Variants in TRANK1 observed in about 807,000 individuals in gnomAD.
TRANK1 encodes the protein tetratricopeptide repeat and ankyrin repeat containing 1.
A neutral mutation model predicts 266.0 loss-of-function variants in TRANK1; 198 were observed. That is an observed-to-expected ratio of 0.74 (90% CI 0.66 to 0.84). TRANK1 has a LOEUF of 0.84. Ranked by LOEUF, TRANK1 falls within the 40% of genes least tolerant of loss-of-function variation. TRANK1 has a pLI of 0.00. For synonymous variants in TRANK1, 1,396 were observed against 1,384.1 expected, an observed-to-expected ratio of 1.01 and a Z score of -0.19; for missense variants, 3,326 against 3,634.6, an observed-to-expected ratio of 0.92 and a Z score of 2.18.
In TRANK1 at chr3:36,857,216, T is replaced by A. The variant is rs1271125486; in HGVS notation, c.2506A>T (p.Ile836Phe). 4.3e-6 allele frequency: 7 copies of A among 1,613,896 alleles called. No individual in the cohort carries two copies. Among genetic ancestry groups the A allele is most frequent in the Non-Finnish European group, 5.9e-6 (7 of 1,179,844 alleles). Residue 836 changes from isoleucine (I) to phenylalanine (F), a missense_variant, in exon 13 of 24, where the codon ATC (isoleucine) becomes TTC (phenylalanine). Transcript: ENST00000645898. This position sits in a 1 kb window ranked among gnomAD's most constrained non-coding sequence, Gnocchi z 4.3. Reference protein sequence around the residue: ...LQDFDNMTWEIECTSEMLKKL... With the variant: ...LQDFDNMTWEFECTSEMLKKL... ...TTCAGCATTTCTGAAGTGCACTCGA[T>A]CTCCCAGGTCATGTTATCGAAGTCC... is the stretch of plus-strand genomic sequence containing the variant.
intron 1 of TRANK1, among the ~76,000 whole-genome samples, chr3:36,912,785 G>T (rs1382602361): frequency 6.6e-6 from 1 of 152,188 alleles, no homozygotes. Flanking sequence ...CTATGGAGGG[G>T]TTATTACTGA....
rs1315230690 is a variant in TRANK1, at chr3:36,922,308, A to G, written c.24-13854T>C. On this transcript the variant is annotated intron_variant, in intron 1 of 23. Transcript: ENST00000645898. ...CATTTTAATTTAACTAAAATTAAAT[A>G]CAATTAAAGGTTCAGGGCCGGGCGC... Among the ~76,000 whole-genome samples, 4 of 152,218 alleles carry G rather than the reference A, an allele frequency of 2.6e-5. No homozygotes were observed. In the East Asian group the frequency reaches 7.7e-4, roughly 29 times the overall value.
At chr3:36,907,619 C>CTGT (rs2079991149) in intron 2 of TRANK1, among the ~76,000 whole-genome samples, 1 of 151,518 alleles carries the variant, frequency 6.6e-6, no homozygotes, top group Non-Finnish European at 1.5e-5. Flanking sequence ...TGCCCACCAC[C>CTGT]ACACCCGGCT....
chr3:36,892,359 C>G lies in TRANK1; in HGVS notation c.637-19G>C. On this transcript the variant is annotated intron_variant, in intron 6 of 23. Transcript: ENST00000645898. The stretch of plus-strand genomic sequence containing the variant: ...CGTATTTCTGGGGAAAAAAAACACA[C>G]AGGACAAATTATGGAAGTCACTAAT... 6.5e-7 allele frequency: 1 copy of G among 1,536,866 alleles called. No homozygotes were observed. Among genetic ancestry groups the G allele is most frequent in the East Asian group, 2.4e-5 (1 of 40,910 alleles).
At chr3:36,905,658 G>C (rs906317073) in intron 2 of TRANK1, among the ~76,000 whole-genome samples, 6 of 152,194 alleles carry the variant, frequency 3.9e-5, no homozygotes, top group Non-Finnish European at 8.8e-5. Flanking sequence ...GAGCCAGACA[G>C]CCTAAAACCA....
chr3:36,846,490 G>A (rs1305478652), intron 16 of TRANK1, 86 bp from the exon 17 acceptor site: 1 of 1,395,740 alleles, frequency 7.2e-7, no homozygotes, highest in South Asian at 1.4e-5. Context: ...CTCTAATTTT[G>A]GAAAAACACA....
chr3:36,864,332 A>C lies in TRANK1; in HGVS notation c.1227T>G (p.Leu409=). 6.5e-7 allele frequency: 1 copy of C among 1,530,004 alleles called. No individual in the cohort carries two copies. 94.8% of individuals were successfully genotyped at this position (1,530,004 alleles called of 1,614,324 possible). A position where few individuals can be genotyped will look rare whatever the true frequency, so the allele number is the denominator to read the frequency against. ...GGAAAAAATTACCTTGCAGAGTAGA[A>C]AGGAGACGCAAGAACCTCTGAACTA... ...QEVVQRFLRL[L]STLQEIPPDL... is the part of the protein sequence containing the mutation. The change falls in exon 10 of 24, where the codon CTT becomes CTG. Residue 409 remains leucine (L), a synonymous_variant. Transcript: ENST00000645898.
At chr3:36,931,603 G>A (rs371273934) in intron 1 of TRANK1, among the ~76,000 whole-genome samples, 1 of 152,080 alleles carries the variant, frequency 6.6e-6, no homozygotes, top group Non-Finnish European at 1.5e-5. Context: ...TACTCAAGAG[G>A]CTGAGGCAGA....
Position 36,852,193 on chromosome 3 carries a change from G to C in TRANK1, c.4702C>G (p.Arg1568Gly). The stretch of plus-strand genomic sequence containing the variant: ...GGCTGAGTTTTCCTTTTATTCCCTC[G>C]TAGCAAAATTGCCAAGTCGCTTACA... ...CSVSDLAILL[R>G]GNKRKTQPIE... Residue 1568 changes from arginine (R) to glycine (G), a missense_variant, in exon 14 of 24, where the codon CGA becomes GGA. Coordinates refer to ENST00000645898, the MANE Select transcript of TRANK1 (RefSeq NM_001329998.2). 6.2e-7 allele frequency: 1 copy of C among 1,608,482 alleles called. No homozygotes were observed. Among genetic ancestry groups the C allele is most frequent in the Non-Finnish European group, 8.5e-7 (1 of 1,178,642 alleles).
chr3:36,865,524 AG>A (rs1393006373), intron 9 of TRANK1, among the ~76,000 whole-genome samples: 1 of 152,170 alleles, frequency 6.6e-6, no homozygotes, highest in Non-Finnish European at 1.5e-5. Flanking sequence ...TGGCCAAGGA[AG>A]GGAAGGCAAT....
chr3:36,842,563 G>T, intron 18 of TRANK1, 59 bp downstream of exon 18: 1 of 1,466,082 alleles, frequency 6.8e-7, no homozygotes, highest in Non-Finnish European at 9.5e-7. Flanking sequence ...TGTGAAACCT[G>T]CCTGTGAGGT....
chr3:36,860,543 GTA>G (rs2079127863), intron 11 of TRANK1, among the ~76,000 whole-genome samples: 1 of 152,218 alleles, frequency 6.6e-6, no homozygotes, highest in Non-Finnish European at 1.5e-5. Context: ...GATCCACACA[GTA>G]TATCCACTGC....
rs370706574 is a variant in TRANK1, at chr3:36,922,246, C to T, written c.24-13792G>A. ...GCTACTATTACTATTCTATCTGGAA[C>T]ATTCTGTCCAATGTGGTAACCACAC... On this transcript the variant is annotated intron_variant, in intron 1 of 23. Transcript: ENST00000645898. Among the ~76,000 whole-genome samples the T allele has an allele frequency of 1.9e-4, 29 of 152,326 alleles. No homozygotes were observed. In the East Asian group the frequency reaches 5.6e-3, roughly 29 times the overall value.
At chr3:36,878,670 A>C in intron 8 of TRANK1, among the ~76,000 whole-genome samples, 1 of 151,928 alleles carries the variant, frequency 6.6e-6, no homozygotes, top group Non-Finnish European at 1.5e-5. Flanking sequence ...TACTATACGT[A>C]TTACCCAGGT....
At chr3:36,903,104 T>C (rs2079907789) in intron 3 of TRANK1, 45 bp downstream of exon 3, 2 of 1,521,522 alleles carry the variant, frequency 1.3e-6, no homozygotes, top group African/African-American at 2.7e-5. Context: ...ACCACCCCAA[T>C]ACTCTCAAGT....
Position 36,832,667 on chromosome 3 carries a change from C to A in TRANK1, c.6916G>T (p.Ala2306Ser). The change falls in exon 22 of 24, where the codon GCT becomes TCT. Residue 2306 changes from alanine (A) to serine (S), a missense_variant. Transcript: ENST00000645898. ...NYKSFRFYRFALKEYIHFLFE... is the reference protein window; with the variant it reads ...NYKSFRFYRFSLKEYIHFLFE... ...AGAAAGTGGATGTACTCCTTCAAAGCAAATCTGTAGAACCGGAAGGATTTG... is the reference window on the plus strand; with the variant it reads ...AGAAAGTGGATGTACTCCTTCAAAGAAAATCTGTAGAACCGGAAGGATTTG... 10 of 1,613,992 alleles carry A rather than the reference C, an allele frequency of 6.2e-6. No individual in the cohort carries two copies. The highest frequency in any genetic ancestry group is 8.5e-6 in the Non-Finnish European group (10 of 1,179,908).
intron 8 of TRANK1, 89 bp downstream of exon 8, chr3:36,889,740 T>A (rs2079659539): frequency 7.0e-7 from 1 of 1,429,316 alleles, no homozygotes. Context: ...AGGGATAGAA[T>A]GGGTAAAACA....
intron 1 of TRANK1, among the ~76,000 whole-genome samples, chr3:36,924,800 GC>G (rs1559476951): frequency 6.6e-6 from 1 of 152,120 alleles, no homozygotes; most frequent in Admixed American, 6.6e-5. Flanking sequence ...CCACATGCTT[GC>G]CCCCTCTGCC....
chr3:36,854,299 G>T (rs1429021120), intron 13 of TRANK1, among the ~76,000 whole-genome samples: 1 of 152,006 alleles, frequency 6.6e-6, no homozygotes, highest in Non-Finnish European at 1.5e-5. Flanking sequence ...GGTGGAGGTT[G>T]CAGTGAGCCG....
Sources: gnomAD v4.1 joint callset for allele counts (sites outside exome capture counted in the v4.1 genomes callset) on GRCh38, gnomAD v4.1.1 for gene constraint, Gnocchi (gnomAD v3.1) non-coding constraint, MANE v1.5 for transcripts, NCBI Gene and HGNC (gene_info 2026-07-23, HGNC 2026-07-21) for gene names.